HTR7: variants seen among roughly 807,000 people sequenced by gnomAD.
The protein encoded by HTR7 is 5-hydroxytryptamine receptor 7, also known as 5-HT-7.
Under a neutral mutation model 34.0 loss-of-function variants are expected in HTR7, and 16 were observed. That is an observed-to-expected ratio of 0.47 (90% CI 0.32 to 0.71). The LOEUF (loss-of-function observed/expected upper bound fraction) is 0.71. Ranked by LOEUF, HTR7 falls within the 30% of genes least tolerant of loss-of-function variation. HTR7 has a pLI of 0.04. For synonymous variants in HTR7, 265 were observed against 260.2 expected, an observed-to-expected ratio of 1.02 and a Z score of -0.18; for missense variants, 504 against 625.5, an observed-to-expected ratio of 0.81 and a Z score of 2.07.
chr10:90,822,939 G>C (rs1008576000), intron 1 of HTR7, among the ~76,000 whole-genome samples: 2 of 152,264 alleles, frequency 1.3e-5, no homozygotes, highest in Non-Finnish European at 2.9e-5. Context: ...AAGCCTGTGG[G>C]TGCACAGAAG....
chr10:90,743,948 G>T, intron 2 of HTR7: 1 of 633,172 alleles, frequency 1.6e-6, no homozygotes, highest in Non-Finnish European at 3.0e-6. Context: ...TTCTGGTTAT[G>T]CTGATCAAGA....
rs187696211 is a variant in HTR7, at chr10:90,841,268, C to G, written c.539+15865G>C. Among the ~76,000 whole-genome samples the G allele has an allele frequency of 1.2e-3, 182 of 152,314 alleles. 2 individuals carry two copies. Among genetic ancestry groups the G allele is most frequent in the Non-Finnish European group, 1.9e-3 (127 of 68,028 alleles). On this transcript the variant is annotated intron_variant, in intron 1 of 3. Coordinates refer to ENST00000336152, the MANE Select transcript of HTR7 (RefSeq NM_019859.4). ...CAATTTCTTAACCATAAATCTAAAG[C>G]CTGAAAAGCTCTGAAATCAGACCTT...
chr10:90,840,406 AG>A (rs1846311283), intron 1 of HTR7, among the ~76,000 whole-genome samples: 1 of 152,176 alleles, frequency 6.6e-6, no homozygotes, highest in Non-Finnish European at 1.5e-5. Context: ...AAAGGAGTAA[AG>A]CCAAGTGATC....
At chr10:90,777,391 G>T (rs1295272296) in intron 1 of HTR7, among the ~76,000 whole-genome samples, 2 of 149,902 alleles carry the variant, frequency 1.3e-5, no homozygotes, top group Non-Finnish European at 3.0e-5. Flanking sequence ...TGAGGCAGGA[G>T]AATTGCTTGA....
chr10:90,805,935 T>TAAAGATTTCTTTAG (rs2119942208), intron 1 of HTR7, among the ~76,000 whole-genome samples: 1 of 152,322 alleles, frequency 6.6e-6, no homozygotes, highest in South Asian at 2.1e-4. Context: ...CTTTAGTAAT[T>TAAAGATTTCTTTAG]TAAAATCTAG....
In HTR7 at chr10:90,814,894, C is replaced by T. The variant is rs145169131; in HGVS notation, c.539+42239G>A. 3.7e-3 allele frequency among the ~76,000 whole-genome samples: 556 copies of T among 152,144 alleles called. 5 individuals carry two copies. The highest frequency in any genetic ancestry group is 0.012 in the African/African-American group (517 of 41,496). The stretch of plus-strand genomic sequence containing the variant: ...CAAAGATTACAATGAGAAAGCTGGC[C>T]AATAATTGCCTGGGGCATAGTGAGG... On this transcript the variant is annotated intron_variant, in intron 1 of 3. Coordinates refer to ENST00000336152, the MANE Select transcript of HTR7 (RefSeq NM_019859.4).
chr10:90,786,021 C>G (rs1170205076), intron 1 of HTR7, among the ~76,000 whole-genome samples: 1 of 152,166 alleles, frequency 6.6e-6, no homozygotes, highest in African/African-American at 2.4e-5. Flanking sequence ...TTTCATACCA[C>G]CTGGCTTCCT....
intron 1 of HTR7, among the ~76,000 whole-genome samples, chr10:90,788,060 G>C (rs1364799837): frequency 1.3e-5 from 2 of 152,024 alleles, no homozygotes; most frequent in African/African-American, 2.4e-5. Context: ...CCCTTACCCT[G>C]AGCCGGAGCT....
At chr10:90,797,799 A>G (rs528153561) in intron 1 of HTR7, among the ~76,000 whole-genome samples, 353 of 152,372 alleles carry the variant, frequency 2.3e-3, no homozygotes, top group South Asian at 0.023. Flanking sequence ...ATAACAGAAT[A>G]CCACAGACTG....
intron 1 of HTR7, among the ~76,000 whole-genome samples, chr10:90,766,502 TG>T (rs1182630049): frequency 6.6e-6 from 1 of 152,236 alleles, no homozygotes; most frequent in African/African-American, 2.4e-5. Context: ...CTTTTGTGTG[TG>T]GAGAATTTAA....
Position 90,748,958 on chromosome 10 carries a change from C to T in HTR7, c.1176G>A (p.Arg392=). The change falls in exon 2 of 4, where the codon AGG becomes AGA. Residue 392 remains arginine (R), a synonymous_variant. Coordinates refer to ENST00000336152, the MANE Select transcript of HTR7 (RefSeq NM_019859.4). ...FIYAFFNRDL[R]TTYRSLLQCQ... is the part of the protein sequence containing the mutation. ...ACTGGAGCAGGCTGCGATAGGTGGT[C>T]CTCAGGTCCCGGTTGAAGAAGGCAT... 2 of 1,614,080 alleles carry T rather than the reference C, an allele frequency of 1.2e-6. No individual in the cohort carries two copies. The highest frequency in any genetic ancestry group is 2.2e-5 in the East Asian group (1 of 44,874).
At position 90,851,102 on chromosome 10, in the gene HTR7, A is replaced by G. The variant is rs1454809388; in HGVS notation, c.539+6031T>C. ...AAAGCCAGACCTAGAGACATCACAGAAAAACTGATAAAAATTAAAGGCAAA... is the reference window on the plus strand; with the variant it reads ...AAAGCCAGACCTAGAGACATCACAGGAAAACTGATAAAAATTAAAGGCAAA... On this transcript the variant is annotated intron_variant, in intron 1 of 3. Transcript: ENST00000336152. 2.0e-5 allele frequency among the ~76,000 whole-genome samples: 3 copies of G among 152,210 alleles called. No individual in the cohort carries two copies. In the East Asian group the frequency reaches 5.8e-4, roughly 29 times the overall value.
chr10:90,791,530 G>C (rs891176303), intron 1 of HTR7, among the ~76,000 whole-genome samples: 5 of 152,016 alleles, frequency 3.3e-5, no homozygotes, highest in African/African-American at 4.8e-5. Context: ...AGTGCCCCAG[G>C]TGTATGTAAG....
chr10:90,834,647 G>C (rs1337585733), intron 1 of HTR7, among the ~76,000 whole-genome samples: 2 of 152,080 alleles, frequency 1.3e-5, no homozygotes, highest in Non-Finnish European at 2.9e-5. Flanking sequence ...TGGCAGCCAA[G>C]GAAATAGAAT....
chr10:90,811,736 T>C (rs999364398), intron 1 of HTR7, among the ~76,000 whole-genome samples: 3 of 152,110 alleles, frequency 2.0e-5, no homozygotes, highest in African/African-American at 7.2e-5. Flanking sequence ...GCAAATTAGC[T>C]TTACTCAACA....
intron 1 of HTR7, among the ~76,000 whole-genome samples, chr10:90,763,480 G>A (rs557174771): frequency 6.6e-6 from 1 of 152,010 alleles, no homozygotes; most frequent in Admixed American, 6.6e-5. Flanking sequence ...TTGAGTTCTG[G>A]GATACGTGTG....
intron 1 of HTR7, among the ~76,000 whole-genome samples, chr10:90,828,914 G>A (rs1020663101): frequency 4.0e-5 from 6 of 151,442 alleles, no homozygotes; most frequent in African/African-American, 1.5e-4. Context: ...GTCTCAGGGG[G>A]TTGAAAATTT....
chr10:90,831,915 G>A (rs990808469), intron 1 of HTR7, among the ~76,000 whole-genome samples: 7 of 151,986 alleles, frequency 4.6e-5, no homozygotes, highest in African/African-American at 1.5e-4. Flanking sequence ...TAAATGTTCT[G>A]CGAGTCCCCA....
chr10:90,801,827 G>A (rs765734369), intron 1 of HTR7, among the ~76,000 whole-genome samples: 14 of 152,144 alleles, frequency 9.2e-5, no homozygotes, highest in African/African-American at 1.2e-4. Context: ...AAAAATCACC[G>A]TTTTGTCTCA....
Sources: allele counts gnomAD v4.1 joint callset (sites outside exome capture counted in the v4.1 genomes callset), GRCh38; gene constraint gnomAD v4.1.1; transcripts MANE v1.5; gene names NCBI Gene and HGNC (gene_info 2026-07-23, HGNC 2026-07-21).